DNM3: variants seen among roughly 807,000 people sequenced by gnomAD.
DNM3 encodes the protein dynamin 3.
In DNM3, 47 loss-of-function variants were observed where a neutral mutation model predicts 101.6. The observed-to-expected ratio is 0.46, with a 90% CI of 0.37 to 0.59. The LOEUF is 0.59. DNM3 is among the 20% of genes least tolerant of loss of function. The probability of loss-of-function intolerance (pLI) is 0.00; values close to 1 mark genes in which losing one functional copy is unlikely to be tolerated. For synonymous variants in DNM3, 385 were observed against 387.9 expected (o/e 0.99, Z 0.09); for missense variants, 849 against 1,085.7 (o/e 0.78, Z 3.06).
chr1:172,055,927 G>A (rs1209680636), intron 10 of DNM3, among the ~76,000 whole-genome samples: 1 of 152,178 alleles, frequency 6.6e-6, no homozygotes, highest in Non-Finnish European at 1.5e-5. Flanking sequence ...TCCATCTGAG[G>A]TACCGGGTTC....
chr1:172,136,670 T>G (rs918773927), intron 14 of DNM3: 2 of 152,268 alleles, frequency 1.3e-5, no homozygotes, highest in South Asian at 4.1e-4. Context: ...TATCTAAAGA[T>G]TTATAATTTT....
chr1:171,898,354 A>G (rs958572878), intron 1 of DNM3, among the ~76,000 whole-genome samples: 1 of 152,132 alleles, frequency 6.6e-6, no homozygotes, highest in African/African-American at 2.4e-5. Flanking sequence ...TAGTGATTCT[A>G]CAAGTCCTAT....
chr1:171,967,246 A>G (rs1325653523), intron 2 of DNM3, among the ~76,000 whole-genome samples: 1 of 152,132 alleles, frequency 6.6e-6, no homozygotes, highest in Non-Finnish European at 1.5e-5. Flanking sequence ...GAACTAAAAC[A>G]CTTTTCATGA....
chr1:172,377,258 C>G (rs1023260975), intron 17 of DNM3, among the ~76,000 whole-genome samples: 13 of 151,528 alleles, frequency 8.6e-5, no homozygotes, highest in Non-Finnish European at 1.3e-4. Flanking sequence ...TTGACAATTA[C>G]GATGATACCC....
At chr1:172,287,995 A>G (rs1359255723) in intron 15 of DNM3, among the ~76,000 whole-genome samples, 1 of 152,040 alleles carries the variant, frequency 6.6e-6, no homozygotes, top group Non-Finnish European at 1.5e-5. Flanking sequence ...AAGGAAAAGT[A>G]TTTTAAATAA....
chr1:172,164,232 C>CTTTTTT (rs3980440), intron 14 of DNM3, among the ~76,000 whole-genome samples: 20 of 126,632 alleles, frequency 1.6e-4, no homozygotes, highest in East Asian at 4.4e-4. Context: ...CTTTTCTTTT[C>CTTTTTT]TTTTTTTTTT....
chr1:171,919,426 G>A (rs7547770), intron 1 of DNM3, among the ~76,000 whole-genome samples: 51,852 of 151,846 alleles, frequency 0.34, 9,179 homozygotes, highest in East Asian at 0.5. Context: ...CTGTTCTTGT[G>A]TTAGTTTCCT....
At chr1:172,295,163 C>G (rs75300155) in intron 15 of DNM3, among the ~76,000 whole-genome samples, 1 of 152,102 alleles carries the variant, frequency 6.6e-6, no homozygotes, top group African/African-American at 2.4e-5. Flanking sequence ...CCAAAGAAGC[C>G]TCTATGTTTC....
intron 17 of DNM3, among the ~76,000 whole-genome samples, chr1:172,348,834 T>A (rs2067066653): frequency 6.6e-6 from 1 of 152,200 alleles, no homozygotes; most frequent in Non-Finnish European, 1.5e-5. Flanking sequence ...TATTTCCATT[T>A]TGTGGTGGAA....
intron 20 of DNM3, among the ~76,000 whole-genome samples, chr1:172,391,713 AT>A (rs549085021): frequency 1.1e-4 from 17 of 149,444 alleles, no homozygotes; most frequent in South Asian, 2.1e-4. Context: ...AGGAAGTTTG[AT>A]TTTTTTTTTC....
intron 2 of DNM3, among the ~76,000 whole-genome samples, chr1:171,979,329 A>G (rs1035935927): frequency 2.6e-5 from 4 of 152,192 alleles, no homozygotes; most frequent in Admixed American, 6.5e-5. Flanking sequence ...TTGTGGGTAC[A>G]TAGTAGGTAG....
chr1:171,977,049 A>T (rs1439443620), intron 2 of DNM3, among the ~76,000 whole-genome samples: 1 of 152,088 alleles, frequency 6.6e-6, no homozygotes, highest in Non-Finnish European at 1.5e-5. Flanking sequence ...AGATCATCTT[A>T]TTTTTCATTA....
intron 4 of DNM3, among the ~76,000 whole-genome samples, chr1:171,995,192 G>C (rs76887746): frequency 2.2e-5 from 3 of 137,308 alleles, no homozygotes; most frequent in African/African-American, 8.3e-5. Flanking sequence ...TGCAACCTCT[G>C]CCTCCTGGGT....
rs2056588861 is a variant in DNM3, at chr1:172,125,798, G to A, written c.1546-5377G>A. On this transcript the variant is annotated intron_variant, in intron 13 of 20. Coordinates refer to ENST00000627582, the MANE Select transcript of DNM3 (RefSeq NM_015569.5). Reference sequence around the variant, plus strand: ...TACTAAGAAGATGTAAGTGGCTGTTGTAGTGGACATTAATAGATTTATTTT... The same window carrying A: ...TACTAAGAAGATGTAAGTGGCTGTTATAGTGGACATTAATAGATTTATTTT... Among the ~76,000 whole-genome samples, 8 of 152,246 alleles carry A rather than the reference G, an allele frequency of 5.3e-5. No individual in the cohort carries two copies. The South Asian group carries it at 1.5e-3, about 28-fold the overall frequency.
intron 1 of DNM3, among the ~76,000 whole-genome samples, chr1:171,854,653 A>G (rs2033385755): frequency 1.3e-5 from 2 of 152,102 alleles, no homozygotes; most frequent in Admixed American, 1.3e-4. Context: ...AGAAAAATTG[A>G]AAGACCTCTG....
At chr1:172,209,538 G>C (rs927743644) in intron 14 of DNM3, among the ~76,000 whole-genome samples, 1 of 151,918 alleles carries the variant, frequency 6.6e-6, no homozygotes, top group African/African-American at 2.4e-5. Flanking sequence ...AGACTACACT[G>C]ACTGGTCTCT....
At chr1:171,987,208 CCTTAA>C (rs2045326805) in intron 2 of DNM3, 2 of 634,308 alleles carry the variant, frequency 3.2e-6, no homozygotes, top group Non-Finnish European at 3.9e-6. Flanking sequence ...AAATGATTTC[CCTTAA>C]CTTATTTTGC....
At chr1:171,950,162 G>T (rs1038046856) in intron 2 of DNM3, among the ~76,000 whole-genome samples, 4 of 152,016 alleles carry the variant, frequency 2.6e-5, no homozygotes, top group South Asian at 2.1e-4. Flanking sequence ...GTGCTCAGTG[G>T]CTGGGGTGAA....
At chr1:172,332,241 C>T (rs540569587) in intron 17 of DNM3, among the ~76,000 whole-genome samples, 3 of 152,270 alleles carry the variant, frequency 2.0e-5, no homozygotes, top group African/African-American at 7.2e-5. Flanking sequence ...CTTCAAACTA[C>T]AAGATTTATT....
Sources: gnomAD v4.1 joint callset for allele counts (sites outside exome capture counted in the v4.1 genomes callset) on GRCh38, gnomAD v4.1.1 for gene constraint, MANE v1.5 for transcripts, NCBI Gene and HGNC (gene_info 2026-07-23, HGNC 2026-07-21) for gene names.